The following GRIA2 variants were observed in gnomAD, a reference collection of about 807,000 sequenced individuals.
The protein encoded by GRIA2 is glutamate receptor 2.
A neutral mutation model predicts 97.3 loss-of-function variants in GRIA2; 14 were observed. The ratio of observed to expected loss-of-function variants is 0.14; its 90% CI spans 0.10 to 0.23. GRIA2 has a LOEUF of 0.23. Among genes scored for constraint, GRIA2 ranks in the 10% least tolerant of loss-of-function variants. The probability of loss-of-function intolerance (pLI) is 1.00; values close to 1 mark genes in which losing one functional copy is unlikely to be tolerated. For missense variants in GRIA2, 558 were observed against 1,069.8 expected, an observed-to-expected ratio of 0.52 and a Z score of 6.67; for synonymous variants, 412 against 387.8, an observed-to-expected ratio of 1.06 and a Z score of -0.73.
Position 157,359,866 on chromosome 4 carries a change from A to G in GRIA2, c.2044-30A>G, listed in dbSNP as rs1179649002. 3.7e-6 allele frequency: 6 copies of G among 1,601,844 alleles called. No homozygotes were observed. In the Admixed American group the frequency reaches 8.5e-5, roughly 23 times the overall value. Reference sequence around the variant, plus strand: ...AGTAATTTTTTAGGGCCATCTCTTAATGCTATCTGGCCCCTTACTTTTCCT... The same window carrying G: ...AGTAATTTTTTAGGGCCATCTCTTAGTGCTATCTGGCCCCTTACTTTTCCT... On this transcript the variant is annotated intron_variant, in intron 12 of 15. Transcript: ENST00000264426.
At chr4:157,277,314 C>G (rs769247736) in intron 2 of GRIA2, among the ~76,000 whole-genome samples, 84 of 151,844 alleles carry the variant, frequency 5.5e-4, no homozygotes, top group Non-Finnish European at 9.9e-4. Flanking sequence ...GCAGAAAAAG[C>G]ATTTGACAAA....
chr4:157,231,010 C>T (rs550054063), intron 2 of GRIA2, among the ~76,000 whole-genome samples: 74 of 151,988 alleles, frequency 4.9e-4, no homozygotes, highest in African/African-American at 1.7e-3. Flanking sequence ...CATGCCATCA[C>T]GCTGAGCTAA....
chr4:157,314,323 A>T (rs561152687), intron 4 of GRIA2, among the ~76,000 whole-genome samples: 1 of 152,340 alleles, frequency 6.6e-6, no homozygotes, highest in African/African-American at 2.4e-5. Context: ...ATCCTAATTG[A>T]TATATAATAA....
intron 2 of GRIA2, among the ~76,000 whole-genome samples, chr4:157,253,482 T>C (rs949718257): frequency 2.0e-5 from 3 of 152,082 alleles, no homozygotes; most frequent in African/African-American, 7.2e-5. Context: ...CAAAAGCTCT[T>C]TGGGGTCCTT....
chr4:157,248,492 G>A (rs1354895506), intron 2 of GRIA2, among the ~76,000 whole-genome samples: 1 of 117,730 alleles, frequency 8.5e-6, no homozygotes, highest in African/African-American at 3.1e-5. Context: ...GCTTGAACTC[G>A]GGAGGCGGAG....
chr4:157,304,502 A>T (rs1324545050), intron 3 of GRIA2, among the ~76,000 whole-genome samples: 1 of 152,134 alleles, frequency 6.6e-6, no homozygotes, highest in Non-Finnish European at 1.5e-5. Context: ...ATAGAATCCC[A>T]GGTGTTTTTA....
chr4:157,298,980 G>A (rs1733491094), intron 2 of GRIA2, among the ~76,000 whole-genome samples: 1 of 151,972 alleles, frequency 6.6e-6, no homozygotes, highest in African/African-American at 2.4e-5. Context: ...ACAAATCCTT[G>A]GAGAAGGTCT....
chr4:157,244,036 T>C (rs1011611860), intron 2 of GRIA2, among the ~76,000 whole-genome samples: 14 of 151,910 alleles, frequency 9.2e-5, no homozygotes, highest in Admixed American at 1.3e-4. Flanking sequence ...TTAGGTAGGC[T>C]GAGTGAGGAA....
At chr4:157,269,312 T>A (rs1731911755) in intron 2 of GRIA2, among the ~76,000 whole-genome samples, 1 of 152,038 alleles carries the variant, frequency 6.6e-6, no homozygotes, top group African/African-American at 2.4e-5. Context: ...CTACCTATGG[T>A]CTAGGTAGAT....
intron 2 of GRIA2, among the ~76,000 whole-genome samples, chr4:157,232,740 T>C (rs1256914247): frequency 6.6e-6 from 1 of 152,166 alleles, no homozygotes; most frequent in Non-Finnish European, 1.5e-5. Flanking sequence ...TAATGATGAA[T>C]ACACAAGTTT....
chr4:157,333,094 A>G, intron 7 of GRIA2, 108 bp downstream of exon 7: 1 of 1,006,284 alleles, frequency 9.9e-7, no homozygotes, highest in Non-Finnish European at 1.5e-6. Flanking sequence ...TATACAGGCA[A>G]TGTTCTTTTC....
In GRIA2 at chr4:157,221,727, A is replaced by T. The variant is rs777347678; in HGVS notation, c.149A>T (p.Gln50Leu). ...AGTGCATTTCGAGTAGGGATGGTTC[A>T]GTTTTCCACTTCGGAGTTCAGACTG... ...EYSAFRVGMVQFSTSEFRLTP... is the reference protein window; with the variant it reads ...EYSAFRVGMVLFSTSEFRLTP... Residue 50 changes from glutamine to leucine, a missense_variant, in exon 2 of 16, where the codon CAG becomes CTG. Physicochemically the swap from Gln to Leu is moderately radical, Grantham distance 113. Around this residue, in one of 8 missense-constraint regions of GRIA2, gnomAD observed 96 missense variants for 176.6 expected, o/e 0.54. Transcript: ENST00000264426. 3.7e-6 allele frequency: 6 copies of T among 1,614,036 alleles called. No homozygotes were observed. Among genetic ancestry groups the T allele is most frequent in the Admixed American group, 1.7e-5 (1 of 60,030 alleles).
chr4:157,342,458 C>A, intron 12 of GRIA2: 1 of 984,214 alleles, frequency 1.0e-6, no homozygotes, highest in Non-Finnish European at 1.2e-6. Context: ...AGTCCAGGAC[C>A]TTGATGAATT....
intron 2 of GRIA2, among the ~76,000 whole-genome samples, chr4:157,281,319 G>T (rs1349218242): frequency 6.6e-6 from 1 of 151,922 alleles, no homozygotes; most frequent in Non-Finnish European, 1.5e-5. Context: ...TGCTCCACTT[G>T]GTCCTGTTTT....
intron 2 of GRIA2, among the ~76,000 whole-genome samples, chr4:157,265,104 T>C (rs918999538): frequency 6.6e-5 from 10 of 152,148 alleles, no homozygotes; most frequent in African/African-American, 2.4e-4. Flanking sequence ...AGGATATTAA[T>C]AATGTATCTT....
At position 157,365,550 on chromosome 4, in the gene GRIA2, G is replaced by A. The variant is rs1262427334; in HGVS notation, c.*2119G>A. The A allele has an allele frequency of 6.6e-6, 1 of 151,818 alleles. No homozygotes were observed. The highest frequency in any genetic ancestry group is 1.5e-5 in the Non-Finnish European group (1 of 67,554). 9.4% of individuals were successfully genotyped at this position (151,818 alleles called of 1,614,324 possible). ...AAAGTTATATTTTCATGTTTTTATA[G>A]ATACAACATGACAAGAATACATAAT... is the stretch of plus-strand genomic sequence containing the variant. On this transcript the variant is annotated 3_prime_UTR_variant, in exon 16 of 16. Coordinates refer to ENST00000264426, the MANE Select transcript of GRIA2 (RefSeq NM_001083619.3).
At chr4:157,355,588 TTATTTATATATA>T (rs1736217834) in intron 12 of GRIA2, among the ~76,000 whole-genome samples, 2 of 138,050 alleles carry the variant, frequency 1.4e-5, no homozygotes, top group Non-Finnish European at 3.1e-5. Flanking sequence ...ATATATATAT[TTATTTATATATA>T]TATTTATATA....
intron 5 of GRIA2, among the ~76,000 whole-genome samples, chr4:157,321,055 C>T (rs771537574): frequency 2.6e-5 from 4 of 152,078 alleles, no homozygotes; most frequent in East Asian, 1.9e-4. Flanking sequence ...TGTAGTTCTT[C>T]GAGAACTACT....
At chr4:157,283,272 T>C (rs1383412244) in intron 2 of GRIA2, among the ~76,000 whole-genome samples, 1 of 151,956 alleles carries the variant, frequency 6.6e-6, no homozygotes, top group Non-Finnish European at 1.5e-5. Flanking sequence ...AGTTTGAGAT[T>C]GTCGGACTTT....
Sources: gnomAD v4.1 joint callset for allele counts (sites outside exome capture counted in the v4.1 genomes callset) on GRCh38, gnomAD v4.1.1 for gene constraint, gnomAD v4.1.1 regional missense constraint, MANE v1.5 for transcripts, NCBI Gene and HGNC (gene_info 2026-07-23, HGNC 2026-07-21) for gene names.